Variants in NBEAL1 observed in about 807,000 individuals in gnomAD.
The protein encoded by NBEAL1 is neurobeachin-like protein 1.
In NBEAL1, 273 loss-of-function variants were observed where a neutral mutation model predicts 351.3. The observed-to-expected ratio is 0.78, with a 90% CI of 0.70 to 0.86. The LOEUF (loss-of-function observed/expected upper bound fraction) is 0.86. Among genes scored for constraint, NBEAL1 ranks in the 40% least tolerant of loss-of-function variants. The pLI is 0.00. For synonymous variants in NBEAL1, 1,050 were observed against 1,086.4 expected (o/e 0.97, Z 0.66); for missense variants, 2,961 against 3,201.3 (o/e 0.92, Z 1.81).
intron 21 of NBEAL1, 107 bp from the exon 22 acceptor site, chr2:203,126,450 T>C: frequency 1.1e-6 from 1 of 924,668 alleles, no homozygotes; most frequent in East Asian, 3.1e-5. Context: ...AATGTGGGTT[T>C]TTCTATTTTT....
chr2:203,171,640 G>A (rs778659176), intron 39 of NBEAL1, among the ~76,000 whole-genome samples: 12 of 149,446 alleles, frequency 8.0e-5, no homozygotes, highest in Non-Finnish European at 5.9e-5. Context: ...AAATTTTAAG[G>A]TATTCAAATA....
chr2:203,153,812 T>C (rs536841767), intron 35 of NBEAL1, among the ~76,000 whole-genome samples: 1 of 152,338 alleles, frequency 6.6e-6, no homozygotes, highest in African/African-American at 2.4e-5. Context: ...TTCTCGACTT[T>C]TGCCAAGAAA....
chr2:203,118,879 G>A (rs753727334), intron 18 of NBEAL1, among the ~76,000 whole-genome samples: 86 of 152,100 alleles, frequency 5.7e-4, no homozygotes, highest in Non-Finnish European at 9.3e-4. Flanking sequence ...ATGAGCCACC[G>A]CACTGGGCCT....
chr2:203,201,466 A>G, intron 49 of NBEAL1, 77 bp from the exon 50 acceptor site: 3 of 1,188,220 alleles, frequency 2.5e-6, no homozygotes, highest in Non-Finnish European at 3.3e-6. Flanking sequence ...TCTTTTTTAG[A>G]GAGGTTTAAA....
intron 12 of NBEAL1, among the ~76,000 whole-genome samples, chr2:203,102,103 C>G (rs904988582): frequency 1.3e-5 from 2 of 152,112 alleles, no homozygotes; most frequent in Admixed American, 1.3e-4. Flanking sequence ...TGATTTGGCT[C>G]TTAGCTTGGA....
At chr2:203,036,131 TA>T (rs1275172867) in intron 2 of NBEAL1, among the ~76,000 whole-genome samples, 1 of 149,264 alleles carries the variant, frequency 6.7e-6, no homozygotes, top group Non-Finnish European at 1.5e-5. Flanking sequence ...ATAAATACTG[TA>T]CAAATGGCAA....
At chr2:203,034,391 T>TCAGG (rs1553598621) in intron 2 of NBEAL1, among the ~76,000 whole-genome samples, 84 of 147,352 alleles carry the variant, frequency 5.7e-4, no homozygotes, top group Middle Eastern at 3.5e-3. Context: ...TATCCTGACC[T>TCAGG]TGCGATCCGC....
chr2:203,125,549 T>A (rs779412840), intron 20 of NBEAL1, 29 bp downstream of exon 20: 19 of 1,360,582 alleles, frequency 1.4e-5, no homozygotes, highest in African/African-American at 1.5e-5. Flanking sequence ...CACAAAATAG[T>A]CATTGAGAAA....
At chr2:203,064,115 G>A (rs12478852) in intron 6 of NBEAL1, among the ~76,000 whole-genome samples, 12,532 of 152,084 alleles carry the variant, frequency 0.082, 729 homozygotes, top group Non-Finnish European at 0.11. Flanking sequence ...GTACAGTACC[G>A]TGATCTTGGC....
chr2:203,171,920 C>T lies in NBEAL1; in HGVS notation c.6103-8C>T, dbSNP rs1553497282. 2 of 1,513,694 alleles carry T rather than the reference C, an allele frequency of 1.3e-6. No individual in the cohort carries two copies. The highest frequency in any genetic ancestry group is 4.2e-5 in the Admixed American group (2 of 47,644). 93.8% of individuals were successfully genotyped at this position (1,513,694 alleles called of 1,614,324 possible). ...AATTTTGATATTGCTCTTTTTTGTG[C>T]TGTCTAGAAATGGGTAAACAGAGAG... On this transcript the variant is annotated splice_polypyrimidine_tract_variant and splice_region_variant and intron_variant, in intron 39 of 55. Transcript: ENST00000683969.
At chr2:203,168,337 G>C in intron 38 of NBEAL1, among the ~76,000 whole-genome samples, 1 of 152,394 alleles carries the variant, frequency 6.6e-6, no homozygotes, top group East Asian at 1.9e-4. Flanking sequence ...TGTGATCCCA[G>C]CACTTTGGGA....
At chr2:203,114,118 A>G (rs1265146958) in intron 17 of NBEAL1, among the ~76,000 whole-genome samples, 2 of 151,858 alleles carry the variant, frequency 1.3e-5, no homozygotes, top group South Asian at 4.1e-4. Context: ...CACCGCGCCC[A>G]GCCTCTCCTG....
At chr2:203,020,962 C>T (rs1376354017) in intron 2 of NBEAL1, among the ~76,000 whole-genome samples, 2 of 152,020 alleles carry the variant, frequency 1.3e-5, no homozygotes, top group Non-Finnish European at 2.9e-5. Context: ...ACTCTGTGGC[C>T]CAAACTGGAG....
chr2:203,160,556 G>T (rs748181359), intron 36 of NBEAL1, among the ~76,000 whole-genome samples: 1 of 152,090 alleles, frequency 6.6e-6, no homozygotes, highest in African/African-American at 2.4e-5. Flanking sequence ...AGGTCCCCCA[G>T]AGACAGTTTC....
At chr2:203,129,624 AATT>A (rs1254468042) in intron 24 of NBEAL1, among the ~76,000 whole-genome samples, 3 of 152,196 alleles carry the variant, frequency 2.0e-5, no homozygotes, top group African/African-American at 2.4e-5. Flanking sequence ...TATAATGATG[AATT>A]ATTATTCTTT....
At chr2:203,190,623 A>G in intron 46 of NBEAL1, 1 of 836,064 alleles carries the variant, frequency 1.2e-6, no homozygotes, top group African/African-American at 1.7e-5. Flanking sequence ...TAAAACTTCT[A>G]ATAGCTAACA....
chr2:203,187,696 T>C (rs944980235), intron 44 of NBEAL1, among the ~76,000 whole-genome samples: 6 of 151,408 alleles, frequency 4.0e-5, no homozygotes, highest in Non-Finnish European at 8.8e-5. Flanking sequence ...TGAGCCAAGA[T>C]CGTGCCACTG....
rs1380574027 is a variant in NBEAL1, at chr2:203,220,169, G to A, written c.*2815G>A. Among the ~76,000 whole-genome samples, 1 of 152,106 alleles carries A rather than the reference G, an allele frequency of 6.6e-6. No homozygotes were observed. The highest frequency in any genetic ancestry group is 1.5e-5 in the Non-Finnish European group (1 of 68,018). On this transcript the variant is annotated 3_prime_UTR_variant, in exon 56 of 56. Coordinates refer to ENST00000683969, the MANE Select transcript of NBEAL1 (RefSeq NM_001378026.1). ...GTGGACATTTCAATTGGTGAATATA[G>A]TATCTCAAGTTGGCTCTTACAAAGT...
chr2:203,173,302 A>G (rs905257811), intron 41 of NBEAL1, among the ~76,000 whole-genome samples: 3 of 152,162 alleles, frequency 2.0e-5, no homozygotes, highest in Non-Finnish European at 4.4e-5. Context: ...AGAACATGTC[A>G]TTTTGATAAG....
Sources: allele counts gnomAD v4.1 joint callset (sites outside exome capture counted in the v4.1 genomes callset), GRCh38; gene constraint gnomAD v4.1.1; transcripts MANE v1.5; gene names NCBI Gene and HGNC (gene_info 2026-07-23, HGNC 2026-07-21).